UGT2B11: variants seen among roughly 807,000 people sequenced by gnomAD.
UGT2B11 encodes UDP glucuronosyltransferase family 2 member B11, also known as UDP-glucuronosyltransferase 2B11.
In UGT2B11, 49 loss-of-function variants were observed where a neutral mutation model predicts 51.7. That is an observed-to-expected ratio of 0.95 (90% CI 0.75 to 1.20). The LOEUF is 1.20. Among genes scored for constraint, UGT2B11 ranks in the 50% most tolerant of loss-of-function variants. The pLI, the probability that UGT2B11 is intolerant of heterozygous loss-of-function variation, is 0.00. For synonymous variants in UGT2B11, 273 were observed against 209.0 expected, an observed-to-expected ratio of 1.31 and a Z score of -2.64; for missense variants, 810 against 622.1, an observed-to-expected ratio of 1.30 and a Z score of -3.21.
rs1721612672 is a variant in UGT2B11, at chr4:69,200,525, G to T, written c.1505C>A (p.Ala502Glu). ...CTTTGTGATGATAAATATCACAGTTGCCACACAGGCCAGCAGAAACCCAAT... is the reference window on the plus strand; with the variant it reads ...CTTTGTGATGATAAATATCACAGTTTCCACACAGGCCAGCAGAAACCCAAT... ...DVIGFLLACV[A>E]TVIFIITKFC... The change falls in exon 6 of 6, where the codon GCA becomes GAA. Residue 502 changes from alanine to glutamate, a missense_variant. Physicochemically the swap from Ala to Glu is moderately radical, Grantham distance 107. Coordinates refer to ENST00000446444, the MANE Select transcript of UGT2B11 (RefSeq NM_001073.3). 4 of 1,612,058 alleles carry T rather than the reference G, an allele frequency of 2.5e-6. No individual in the cohort carries two copies. Among genetic ancestry groups the T allele is most frequent in the Non-Finnish European group, 3.4e-6 (4 of 1,178,940 alleles).
intron 4 of UGT2B11, 85 bp from the exon 5 acceptor site, chr4:69,204,734 C>T: frequency 6.3e-7 from 1 of 1,591,548 alleles, no homozygotes; most frequent in Non-Finnish European, 8.6e-7. Context: ...ACAGTGTTTT[C>T]TAGATAACAC....
At chr4:69,211,419 A>T (rs1722059331) in intron 2 of UGT2B11, among the ~76,000 whole-genome samples, 1 of 151,564 alleles carries the variant, frequency 6.6e-6, no homozygotes, top group Non-Finnish European at 1.5e-5. Context: ...ATGACTTTGC[A>T]AGAGAATATA....
chr4:69,208,910 G>C (rs575788091), intron 2 of UGT2B11, among the ~76,000 whole-genome samples: 8 of 151,712 alleles, frequency 5.3e-5, no homozygotes, highest in African/African-American at 1.9e-4. Context: ...GTTTTCTGTA[G>C]AATTCTTTTA....
chr4:69,215,945 G>C (rs1346456705), upstream of UGT2B11: 2 of 151,768 alleles, frequency 1.3e-5, no homozygotes, highest in African/African-American at 4.8e-5. Context: ...ACTTCTTTTT[G>C]TTAAAAATCT....
the UGT2B11 span, among the ~76,000 whole-genome samples, chr4:69,221,437 T>C: frequency 6.6e-6 from 1 of 152,188 alleles, no homozygotes; most frequent in Non-Finnish European, 1.5e-5. Flanking sequence ...GGATGAGCAT[T>C]CTTTGCCCTT....
the UGT2B11 span, among the ~76,000 whole-genome samples, chr4:69,223,293 G>C: frequency 4.6e-5 from 7 of 152,180 alleles, no homozygotes; most frequent in African/African-American, 1.4e-4. Context: ...TGCCCATCTG[G>C]AATTTTAAAC....
intron 3 of UGT2B11, among the ~76,000 whole-genome samples, chr4:69,205,936 A>G (rs939919161): frequency 2.0e-5 from 3 of 151,690 alleles, no homozygotes; most frequent in African/African-American, 7.2e-5. Context: ...AGCATCTCAC[A>G]CCAATCAGAA....
intron 4 of UGT2B11, 134 bp downstream of exon 4, chr4:69,205,346 T>A: frequency 8.5e-7 from 1 of 1,182,254 alleles, no homozygotes; most frequent in Non-Finnish European, 1.2e-6. Flanking sequence ...CATATTCTTT[T>A]CCCCTAGGAC....
chr4:69,208,524 C>T (rs760717568), intron 2 of UGT2B11, 42 bp from the exon 3 acceptor site: 2 of 1,598,238 alleles, frequency 1.3e-6, no homozygotes, highest in East Asian at 4.5e-5. Flanking sequence ...AGTATCACCA[C>T]AGCAGGCACT....
chr4:69,202,787 G>T (rs528048942), intron 5 of UGT2B11, among the ~76,000 whole-genome samples: 4 of 151,674 alleles, frequency 2.6e-5, no homozygotes, highest in Non-Finnish European at 5.9e-5. Context: ...TTTGTCCAAG[G>T]TGGTTTGTGT....
At chr4:69,224,962 G>T in the UGT2B11 span, among the ~76,000 whole-genome samples, 1 of 152,156 alleles carries the variant, frequency 6.6e-6, no homozygotes, top group African/African-American at 2.4e-5. Flanking sequence ...AACCAGAATT[G>T]TAACTTAAGT....
chr4:69,221,909 C>T, the UGT2B11 span, among the ~76,000 whole-genome samples: 1 of 152,264 alleles, frequency 6.6e-6, no homozygotes, highest in East Asian at 1.9e-4. Flanking sequence ...AGAGGTCCTT[C>T]ATCCTCTGGG....
chr4:69,211,309 C>T (rs1286731399), intron 2 of UGT2B11, among the ~76,000 whole-genome samples: 1 of 151,438 alleles, frequency 6.6e-6, no homozygotes, highest in Non-Finnish European at 1.5e-5. Context: ...GGTGAAGATC[C>T]TTGTTACTTA....
chr4:69,214,375 C>G lies in UGT2B11; in HGVS notation c.348G>C (p.Leu116=), dbSNP rs150042325. 3.7e-6 allele frequency: 6 copies of G among 1,612,542 alleles called. No homozygotes were observed. In the African/African-American group the frequency reaches 8.0e-5, roughly 22 times the overall value. ...TTCTAAATATGTCATATAATTCCCA[C>G]AGGATTTCTTGTTCTTGTGAAAAAT... ...WLYFSQEQEI[L]WELYDIFRNF... is the part of the protein sequence containing the mutation. Residue 116 remains leucine (L), a synonymous_variant, in exon 1 of 6, where the codon CTG becomes CTC. Transcript: ENST00000446444.
chr4:69,216,908 G>A (rs1722288381), upstream of UGT2B11: 1 of 151,974 alleles, frequency 6.6e-6, no homozygotes, highest in South Asian at 2.1e-4. Flanking sequence ...GCAGGGGTGT[G>A]ATCTATTCTT....
At chr4:69,212,828 T>A (rs921718316) in intron 1 of UGT2B11, 107 bp from the exon 2 acceptor site, 1 of 1,202,120 alleles carries the variant, frequency 8.3e-7, no homozygotes, top group Non-Finnish European at 1.1e-6. Context: ...GTAAAGTTTA[T>A]GTGCTTTGAA....
rs955555619 is a variant in UGT2B11 at position 69,203,995 on chromosome 4, G to A, written c.1310+435C>T. ...ATAAATAGGTGGATTTTAAGCTATC[G>A]AAATTAAATCTCATTTTCAAGTCTG... On this transcript the variant is annotated intron_variant, in intron 5 of 5. Transcript: ENST00000446444. Among the ~76,000 whole-genome samples the A allele has an allele frequency of 1.6e-4, 24 of 151,482 alleles. No individual in the cohort carries two copies. The East Asian group carries it at 3.7e-3, about 23-fold the overall frequency.
chr4:69,214,085 T>C lies in UGT2B11; in HGVS notation c.638A>G (p.Asn213Ser). The stretch of plus-strand genomic sequence containing the variant: ...GTCAAAATAAAGCACATAGATCATA[T>C]TTTTTACCCTCTCCATGAAAGTCAT... ...DQMTFMERVK[N>S]MIYVLYFDFW... Residue 213 changes from asparagine (N) to serine (S), a missense_variant, in exon 1 of 6, where the codon AAT becomes AGT. Physicochemically the swap from Asn to Ser is conservative, Grantham distance 46. Transcript: ENST00000446444. 1.9e-6 allele frequency: 3 copies of C among 1,611,146 alleles called. No individual in the cohort carries two copies. Among genetic ancestry groups the C allele is most frequent in the Non-Finnish European group, 8.5e-7 (1 of 1,178,612 alleles).
intron 3 of UGT2B11, among the ~76,000 whole-genome samples, chr4:69,206,445 T>A (rs532100738): frequency 2.6e-5 from 4 of 151,566 alleles, no homozygotes; most frequent in Admixed American, 6.6e-5. Context: ...GACACATAGA[T>A]GGCAACAACA....
Sources: gnomAD v4.1 joint callset for allele counts (sites outside exome capture counted in the v4.1 genomes callset) on GRCh38, gnomAD v4.1.1 for gene constraint, MANE v1.5 for transcripts, NCBI Gene and HGNC (gene_info 2026-07-23, HGNC 2026-07-21) for gene names.